RASSF8: variants seen among roughly 807,000 people sequenced by gnomAD.
The protein encoded by RASSF8 is ras association domain-containing protein 8.
In RASSF8, 22 loss-of-function variants were observed where a neutral mutation model predicts 48.5. The ratio of observed to expected loss-of-function variants is 0.45; its 90% CI spans 0.32 to 0.65. The LOEUF is 0.65. Ranked by LOEUF, RASSF8 falls within the 30% of genes least tolerant of loss-of-function variation. RASSF8 has a pLI of 0.03. For synonymous variants in RASSF8, 127 were observed against 171.5 expected, an observed-to-expected ratio of 0.74 and a Z score of 2.03; for missense variants, 418 against 489.2, an observed-to-expected ratio of 0.85 and a Z score of 1.37.
chr12:26,020,408 T>C (rs1942760257), intron 2 of RASSF8: 1 of 152,200 alleles, frequency 6.6e-6, no homozygotes, highest in Admixed American at 6.5e-5. Flanking sequence ...TTTGTGGTAA[T>C]TTGCTACTGC....
At chr12:25,980,114 G>A (rs955669294) in intron 1 of RASSF8, among the ~76,000 whole-genome samples, 1 of 152,102 alleles carries the variant, frequency 6.6e-6, no homozygotes. Flanking sequence ...TCTAAGTACC[G>A]ACCTCCATGG....
intron 2 of RASSF8, among the ~76,000 whole-genome samples, chr12:26,001,111 A>G (rs1942247650): frequency 6.8e-6 from 1 of 148,120 alleles, no homozygotes; most frequent in African/African-American, 2.5e-5. Flanking sequence ...CAGCCTATCG[A>G]GTAGCTGGGA....
intron 1 of RASSF8, among the ~76,000 whole-genome samples, chr12:25,965,224 A>G (rs1257893753): frequency 1.3e-5 from 2 of 152,176 alleles, no homozygotes; most frequent in Admixed American, 1.3e-4. Flanking sequence ...TACAGGCATG[A>G]GCCACCGTGC....
rs1342709166 is a variant in RASSF8 at position 26,054,875 on chromosome 12, C to T, written c.-108-361C>T. 2.0e-5 allele frequency among the ~76,000 whole-genome samples: 3 copies of T among 152,128 alleles called. No individual in the cohort carries two copies. The East Asian group carries it at 5.8e-4, about 29-fold the overall frequency. On this transcript the variant is annotated intron_variant, in intron 2 of 5. Coordinates refer to ENST00000689635, the MANE Select transcript of RASSF8 (RefSeq NM_001394098.1). ...ATTTTATTGATAATTCCTAAAATGACAAACTTTTTTTCTTTAGTTTTGCCT... is the reference window on the plus strand; with the variant it reads ...ATTTTATTGATAATTCCTAAAATGATAAACTTTTTTTCTTTAGTTTTGCCT...
At chr12:25,958,622 A>AGCCGCCTG (rs1192690903), upstream of RASSF8, 38 of 145,648 alleles carry the variant, frequency 2.6e-4, no homozygotes, top group Admixed American at 2.6e-3. Flanking sequence ...GAAGGGGCGG[A>AGCCGCCTG]GCCGCCTGGC....
At chr12:26,007,037 C>G (rs982081180) in intron 2 of RASSF8, among the ~76,000 whole-genome samples, 2 of 152,204 alleles carry the variant, frequency 1.3e-5, no homozygotes, top group Non-Finnish European at 2.9e-5. Context: ...GGGGAGCCAG[C>G]GTGTGCAGAG....
chr12:26,079,135 C>A, exon 6 of RASSF8: 1 of 1,162,250 alleles, frequency 8.6e-7, no homozygotes, highest in Non-Finnish European at 1.2e-6. Context: ...ACATTAAACC[C>A]AAAACTCCTG....
rs565286852 is a variant in RASSF8 at position 26,071,467 on chromosome 12, T to G, written c.*2649T>G. 50 of 949,900 alleles carry G rather than the reference T, an allele frequency of 5.3e-5. No homozygotes were observed. In the East Asian group the frequency reaches 3.4e-3, roughly 64 times the overall value. 58.8% of individuals were successfully genotyped at this position (949,900 alleles called of 1,614,324 possible). On this transcript the variant is annotated 3_prime_UTR_variant, in exon 6 of 6. Transcript: ENST00000689635. ...GATTTTCTACAAGTATTAAATACAT[T>G]TAAAGATCTTTTTATCTTACCAAGA...
Position 25,958,906 on chromosome 12 carries a change from C to T in RASSF8, c.-445C>T, listed in dbSNP as rs994360287. The T allele has an allele frequency of 2.7e-5, 4 of 147,140 alleles. No homozygotes were observed. The highest frequency in any genetic ancestry group is 7.3e-5 in the African/African-American group (3 of 40,982). 9.1% of individuals were successfully genotyped at this position (147,140 alleles called of 1,614,324 possible). A position where few individuals can be genotyped will look rare whatever the true frequency, so the allele number is the denominator to read the frequency against. On this transcript the variant is annotated 5_prime_UTR_variant, in exon 1 of 6. Coordinates refer to ENST00000689635, the MANE Select transcript of RASSF8 (RefSeq NM_001394098.1). ...GGCCGAGCGCTCGCGCACCGCGGCACCCCCGCCAGTGGCGTCCACACTCAC... is the reference window on the plus strand; with the variant it reads ...GGCCGAGCGCTCGCGCACCGCGGCATCCCCGCCAGTGGCGTCCACACTCAC...
intron 1 of RASSF8, chr12:25,973,941 C>A (rs1031801586): frequency 6.6e-6 from 1 of 152,286 alleles, no homozygotes; most frequent in East Asian, 1.9e-4. Flanking sequence ...GGAGTAAGAA[C>A]CCGTGTCCGG....
At chr12:26,050,065 G>T (rs1235527887) in intron 2 of RASSF8, among the ~76,000 whole-genome samples, 4 of 152,110 alleles carry the variant, frequency 2.6e-5, no homozygotes, top group Non-Finnish European at 5.9e-5. Flanking sequence ...TTACAGGCGT[G>T]AGCCACCACG....
chr12:26,035,455 A>ATAT (rs1943118943), intron 2 of RASSF8, among the ~76,000 whole-genome samples: 2 of 82,586 alleles, frequency 2.4e-5, no homozygotes, highest in African/African-American at 4.5e-5. Flanking sequence ...TAAGTATATG[A>ATAT]AATTATATAA....
chr12:26,070,493 T>A lies in RASSF8; in HGVS notation c.*1675T>A. 1 of 984,986 alleles carries A rather than the reference T, an allele frequency of 1.0e-6. No individual in the cohort carries two copies. The highest frequency in any genetic ancestry group is 1.2e-6 in the Non-Finnish European group (1 of 829,508). 61.0% of individuals were successfully genotyped at this position (984,986 alleles called of 1,614,324 possible). A position where few individuals can be genotyped will look rare whatever the true frequency, so the allele number is the denominator to read the frequency against. The stretch of plus-strand genomic sequence containing the variant: ...TGGGTTCTTGGAGTTATCAAATTGA[T>A]CTTGCCATTATGTTACTTTGCAAAT... On this transcript the variant is annotated 3_prime_UTR_variant, in exon 6 of 6. Coordinates refer to ENST00000689635, the MANE Select transcript of RASSF8 (RefSeq NM_001394098.1).
At chr12:26,014,575 T>C (rs1358758218) in intron 2 of RASSF8, among the ~76,000 whole-genome samples, 3 of 152,226 alleles carry the variant, frequency 2.0e-5, no homozygotes, top group Non-Finnish European at 4.4e-5. Flanking sequence ...TGTCAAATTT[T>C]TTTTCAGGTT....
At chr12:26,033,812 C>T (rs1388704278) in intron 2 of RASSF8, among the ~76,000 whole-genome samples, 2 of 152,108 alleles carry the variant, frequency 1.3e-5, no homozygotes, top group Non-Finnish European at 2.9e-5. Flanking sequence ...TCAAATCAGC[C>T]TCCACTCAGA....
chr12:25,977,762 C>A (rs922895796), intron 1 of RASSF8, among the ~76,000 whole-genome samples: 3 of 151,864 alleles, frequency 2.0e-5, no homozygotes, highest in African/African-American at 7.3e-5. Flanking sequence ...CCATTGAGAA[C>A]AACACGGTTG....
At chr12:25,965,655 C>T (rs1301167661) in intron 1 of RASSF8, among the ~76,000 whole-genome samples, 1 of 152,176 alleles carries the variant, frequency 6.6e-6, no homozygotes, top group Non-Finnish European at 1.5e-5. Context: ...CATGCCCACC[C>T]CAAATTTTCT....
intron 3 of RASSF8, among the ~76,000 whole-genome samples, chr12:26,059,109 A>G (rs1247936500): frequency 1.3e-5 from 2 of 152,236 alleles, no homozygotes; most frequent in African/African-American, 2.4e-5. Context: ...CAGATCATCT[A>G]TCTCAAGTTA....
chr12:26,052,534 T>C (rs548281269), intron 2 of RASSF8: 4 of 152,348 alleles, frequency 2.6e-5, no homozygotes, highest in East Asian at 3.9e-4. Flanking sequence ...CAAATTCCAA[T>C]TGGAGTGTCC....
Sources: allele counts gnomAD v4.1 joint callset (sites outside exome capture counted in the v4.1 genomes callset), GRCh38; gene constraint gnomAD v4.1.1; transcripts MANE v1.5; gene names NCBI Gene and HGNC (gene_info 2026-07-23, HGNC 2026-07-21).